The following RPTOR variants were observed in gnomAD, a reference collection of about 807,000 sequenced individuals.
The protein encoded by RPTOR is regulatory-associated protein of mTOR.
RPTOR carries 21 observed loss-of-function variants against 169.9 expected under a neutral mutation model. The observed-to-expected ratio is 0.12, with a 90% CI of 0.09 to 0.18. RPTOR has a LOEUF of 0.18. RPTOR is among the 10% of genes least tolerant of loss of function. The pLI, the probability that RPTOR is intolerant of heterozygous loss-of-function variation, is 1.00. For missense variants in RPTOR, 1,133 were observed against 1,855.9 expected (o/e 0.61, Z 7.16); for synonymous variants, 732 against 753.2 (o/e 0.97, Z 0.46).
intron 20 of RPTOR, among the ~76,000 whole-genome samples, chr17:80,895,714 C>T (rs553617317): frequency 1.3e-5 from 2 of 152,220 alleles, no homozygotes; most frequent in Non-Finnish European, 2.9e-5. Flanking sequence ...CCACGGGATC[C>T]TCTGTTCTAA....
At chr17:80,847,829 C>T (rs1197642053) in intron 11 of RPTOR, among the ~76,000 whole-genome samples, 1 of 152,216 alleles carries the variant, frequency 6.6e-6, no homozygotes, top group African/African-American at 2.4e-5. Flanking sequence ...GGGCCGCTCA[C>T]CACACTGACA....
At chr17:80,623,960 G>A (rs1049349925) in intron 1 of RPTOR, among the ~76,000 whole-genome samples, 1 of 152,202 alleles carries the variant, frequency 6.6e-6, no homozygotes, top group African/African-American at 2.4e-5. Flanking sequence ...TGCAGTGGCT[G>A]TTGGCAGGCA....
intron 17 of RPTOR, among the ~76,000 whole-genome samples, chr17:80,886,327 C>T (rs1314924200): frequency 6.6e-6 from 1 of 152,244 alleles, no homozygotes; most frequent in Non-Finnish European, 1.5e-5. Context: ...GAGTATGCTA[C>T]ATTTTCTAAC....
chr17:80,670,586 C>T (rs960747433), intron 3 of RPTOR, among the ~76,000 whole-genome samples: 3 of 152,160 alleles, frequency 2.0e-5, no homozygotes, highest in African/African-American at 7.2e-5. Flanking sequence ...GGGTCTCTTC[C>T]CCACTTGACT....
chr17:80,850,588 T>C (rs972339468), intron 11 of RPTOR, among the ~76,000 whole-genome samples: 2 of 152,222 alleles, frequency 1.3e-5, no homozygotes, highest in African/African-American at 4.8e-5. Context: ...AGTGATTTTA[T>C]AGGATGAAGT....
intron 7 of RPTOR, among the ~76,000 whole-genome samples, chr17:80,795,340 G>C (rs1428085757): frequency 6.6e-6 from 1 of 152,202 alleles, no homozygotes; most frequent in Non-Finnish European, 1.5e-5. Context: ...TGGGATGTTA[G>C]TCATTTTCAT....
chr17:80,932,230 G>T (rs2068907023), intron 24 of RPTOR, among the ~76,000 whole-genome samples: 1 of 151,878 alleles, frequency 6.6e-6, no homozygotes, highest in African/African-American at 2.4e-5. Flanking sequence ...GAGAGGCTGG[G>T]CATGGTGGCT....
Position 80,755,080 on chromosome 17 carries a change from G to A in RPTOR, c.830+895G>A, listed in dbSNP as rs887158869. ...GGACACCCTGGGAGGGGCCAGAGGG[G>A]CAGGGCAGCCTGAGGGGGGAGGAAA... On this transcript the variant is annotated intron_variant, in intron 6 of 33. Coordinates refer to ENST00000306801, the MANE Select transcript of RPTOR (RefSeq NM_020761.3). Among the ~76,000 whole-genome samples the A allele has an allele frequency of 2.0e-5, 3 of 152,140 alleles. No homozygotes were observed. The East Asian group carries it at 5.8e-4, about 29-fold the overall frequency.
intron 33 of RPTOR, 113 bp downstream of exon 33, chr17:80,963,170 C>G: frequency 9.7e-7 from 1 of 1,029,354 alleles, no homozygotes; most frequent in South Asian, 1.5e-5. Context: ...ACAGTGGGGC[C>G]CATTGGCTGC....
chr17:80,918,468 C>CGGGGGTCATAGCCA (rs2068703273), intron 21 of RPTOR, among the ~76,000 whole-genome samples: 1 of 100,762 alleles, frequency 9.9e-6, no homozygotes, highest in Admixed American at 1.0e-4. Context: ...AGCACCCTCG[C>CGGGGGTCATAGCCA]CGGAGTCATA....
intron 3 of RPTOR, among the ~76,000 whole-genome samples, chr17:80,683,759 C>T (rs1007242967): frequency 6.6e-6 from 1 of 152,186 alleles, no homozygotes; most frequent in African/African-American, 2.4e-5. Flanking sequence ...CAAGCTCACT[C>T]CTGTCCATGT....
intron 3 of RPTOR, among the ~76,000 whole-genome samples, chr17:80,687,866 C>G (rs2065960725): frequency 6.6e-6 from 1 of 152,210 alleles, no homozygotes; most frequent in Admixed American, 6.5e-5. Context: ...GATGCCCGCA[C>G]TGCCTTCAAT....
At chr17:80,865,003 C>T (rs60578298) in intron 13 of RPTOR, among the ~76,000 whole-genome samples, 7,142 of 152,248 alleles carry the variant, frequency 0.047, 520 homozygotes, top group African/African-American at 0.16. Context: ...GAATGTATAA[C>T]ATTTGTAAGA....
chr17:80,954,105 C>T (rs767179631), intron 28 of RPTOR, among the ~76,000 whole-genome samples: 8 of 151,986 alleles, frequency 5.3e-5, no homozygotes, highest in Admixed American at 1.3e-4. Flanking sequence ...GGACCACAGG[C>T]GCACACCACT....
intron 19 of RPTOR, among the ~76,000 whole-genome samples, chr17:80,893,205 G>A (rs1466769486): frequency 6.6e-6 from 1 of 152,248 alleles, no homozygotes; most frequent in Admixed American, 6.5e-5. Context: ...CTCCCAGGGA[G>A]ATCAGTGAGT....
chr17:80,685,450 A>AT (rs528622064), intron 3 of RPTOR, among the ~76,000 whole-genome samples: 25,002 of 137,098 alleles, frequency 0.18, 3,398 homozygotes, highest in African/African-American at 0.39. Context: ...TAATTAAAAC[A>AT]TTTTTTTTTT....
intron 24 of RPTOR, among the ~76,000 whole-genome samples, chr17:80,928,212 C>A (rs1170900885): frequency 2.0e-5 from 3 of 152,106 alleles, no homozygotes; most frequent in East Asian, 3.9e-4. Flanking sequence ...TTCCAAACTT[C>A]AGAAGAGGAA....
chr17:80,608,013 A>G (rs1001255611), intron 1 of RPTOR, among the ~76,000 whole-genome samples: 4 of 152,188 alleles, frequency 2.6e-5, no homozygotes, highest in Non-Finnish European at 5.9e-5. Context: ...AATGTGACAA[A>G]AGGATGTAGT....
At chr17:80,832,309 C>T (rs1293551908) in intron 9 of RPTOR, among the ~76,000 whole-genome samples, 3 of 152,198 alleles carry the variant, frequency 2.0e-5, no homozygotes, top group African/African-American at 4.8e-5. Context: ...TTCCATCCCC[C>T]GTGGAAGCTC....
Sources: gnomAD v4.1 joint callset for allele counts (sites outside exome capture counted in the v4.1 genomes callset) on GRCh38, gnomAD v4.1.1 for gene constraint, MANE v1.5 for transcripts, NCBI Gene and HGNC (gene_info 2026-07-23, HGNC 2026-07-21) for gene names.